Variants in SORBS2 observed in about 807,000 individuals in gnomAD.
SORBS2 encodes sorbin and SH3 domain-containing protein 2.
A neutral mutation model predicts 97.7 loss-of-function variants in SORBS2; 46 were observed. The ratio of observed to expected loss-of-function variants is 0.47; its 90% CI spans 0.37 to 0.60. The LOEUF is 0.60. Ranked by LOEUF, SORBS2 falls within the 20% of genes least tolerant of loss-of-function variation. The pLI, the probability that SORBS2 is intolerant of heterozygous loss-of-function variation, is 0.00. For synonymous variants in SORBS2, 476 were observed against 473.4 expected (o/e 1.01, Z -0.07); for missense variants, 1,316 against 1,282.3 (o/e 1.03, Z -0.40).
chr4:185,872,603 A>T (rs1171184972), intron 1 of SORBS2, among the ~76,000 whole-genome samples: 1 of 152,230 alleles, frequency 6.6e-6, no homozygotes, highest in East Asian at 1.9e-4. Context: ...CCATACCAAA[A>T]AAGGCCACAA....
intron 2 of SORBS2, among the ~76,000 whole-genome samples, chr4:185,703,588 T>C (rs1216041609): frequency 6.6e-6 from 1 of 152,182 alleles, no homozygotes; most frequent in Non-Finnish European, 1.5e-5. Flanking sequence ...TAAATGACAA[T>C]AGCATGGGAA....
At chr4:185,692,639 C>A (rs2098117200) in intron 2 of SORBS2, among the ~76,000 whole-genome samples, 2 of 151,942 alleles carry the variant, frequency 1.3e-5, no homozygotes, top group South Asian at 2.1e-4. Context: ...TGAATATTAG[C>A]TAAATATAAT....
chr4:185,947,679 T>C (rs967987820), intron 1 of SORBS2, among the ~76,000 whole-genome samples: 10 of 152,204 alleles, frequency 6.6e-5, no homozygotes, highest in African/African-American at 2.2e-4. Context: ...TGGTGTGGTC[T>C]AGCTTACTGC....
rs144017246 is a variant in SORBS2 at position 185,827,069 on chromosome 4, CCAT to C, written c.-337-51706_-337-51704del. ...ACCACCATCACCATCATCATCATCA[CCAT>C]CATCATCACCATCATCACCATCATC... On this transcript the variant is annotated intron_variant, in intron 1 of 20. Transcript: ENST00000284776. Among the ~76,000 whole-genome samples the C allele has an allele frequency of 1.6e-3, 226 of 141,894 alleles. 1 individual carries two copies. Among genetic ancestry groups the C allele is most frequent in the African/African-American group, 4.8e-3 (184 of 38,238 alleles). 93.1% of individuals were successfully genotyped at this position (141,894 alleles called of 152,430 possible).
At chr4:185,699,238 T>C (rs1232598005) in intron 2 of SORBS2, among the ~76,000 whole-genome samples, 1 of 151,866 alleles carries the variant, frequency 6.6e-6, no homozygotes, top group African/African-American at 2.4e-5. Flanking sequence ...AGTCTTAAAA[T>C]TTAAGTAATA....
At chr4:185,913,799 C>G (rs781129623) in intron 1 of SORBS2, among the ~76,000 whole-genome samples, 10 of 152,122 alleles carry the variant, frequency 6.6e-5, no homozygotes, top group African/African-American at 2.4e-4. Flanking sequence ...ATGGTTTAGT[C>G]TGAATGTAAT....
intron 13 of SORBS2, 52 bp downstream of exon 25, chr4:185,593,834 A>T (rs2096017720): frequency 8.2e-7 from 1 of 1,221,966 alleles, no homozygotes; most frequent in Non-Finnish European, 1.2e-6. Context: ...ACAGTTGTCC[A>T]TTTTGTGGGT....
At chr4:185,827,259 C>T (rs2099201047) in intron 1 of SORBS2, among the ~76,000 whole-genome samples, 1 of 127,678 alleles carries the variant, frequency 7.8e-6, no homozygotes, top group Admixed American at 7.8e-5. Context: ...TCATCATCAC[C>T]ATCATCACCA....
chr4:185,940,253 C>T (rs1236475539), intron 1 of SORBS2, among the ~76,000 whole-genome samples: 1 of 152,182 alleles, frequency 6.6e-6, no homozygotes, highest in Non-Finnish European at 1.5e-5. Context: ...ACTTGATCTC[C>T]AAACTAGTAT....
chr4:185,717,039 T>C (rs1174990372), intron 2 of SORBS2, among the ~76,000 whole-genome samples: 1 of 152,240 alleles, frequency 6.6e-6, no homozygotes, highest in Admixed American at 6.5e-5. Context: ...CATAAAACTG[T>C]CCGAGCTTAG....
intron 2 of SORBS2, among the ~76,000 whole-genome samples, chr4:185,732,473 T>C (rs2098648898): frequency 6.6e-6 from 1 of 152,212 alleles, no homozygotes; most frequent in African/African-American, 2.4e-5. Context: ...CCTATGTGAC[T>C]GTGAGGGGTT....
At chr4:185,631,793 A>G in intron 4 of SORBS2, among the ~76,000 whole-genome samples, 1 of 137,708 alleles carries the variant, frequency 7.3e-6, no homozygotes, top group South Asian at 2.1e-4. Context: ...CAACAAAAAA[A>G]CAAAACAAAA....
At chr4:185,727,188 C>T (rs574276935) in intron 2 of SORBS2, among the ~76,000 whole-genome samples, 42 of 152,312 alleles carry the variant, frequency 2.8e-4, no homozygotes, top group African/African-American at 9.6e-4. Context: ...CTTCAACCTA[C>T]ATTGATGTGA....
rs185553486 is a variant in SORBS2, at chr4:185,752,528, G to A, written c.-198+22699C>T. Among the ~76,000 whole-genome samples, 771 of 152,152 alleles carry A rather than the reference G, an allele frequency of 5.1e-3. 9 individuals carry two copies. Among genetic ancestry groups the A allele is most frequent in the African/African-American group, 0.017 (726 of 41,512 alleles). ...CCTGACCTTGTGATCTGCCCGCCTC[G>A]GCCTCCCAAAGTGCTGGGATTACAG... On this transcript the variant is annotated intron_variant, in intron 2 of 20. Transcript: ENST00000284776.
exon 5 of SORBS2, chr4:185,662,230 C>T: frequency 1.2e-6 from 2 of 1,609,156 alleles, no homozygotes; most frequent in East Asian, 4.5e-5. Context: ...TTTCCATTCA[C>T]TGTTATCTGG....
At chr4:185,850,356 C>T (rs2099217149) in intron 1 of SORBS2, among the ~76,000 whole-genome samples, 1 of 152,120 alleles carries the variant, frequency 6.6e-6, no homozygotes, top group South Asian at 2.1e-4. Flanking sequence ...GCTGACTTGT[C>T]CCATATGTCG....
At chr4:185,815,644 T>C (rs1239053562) in intron 1 of SORBS2, among the ~76,000 whole-genome samples, 1 of 152,072 alleles carries the variant, frequency 6.6e-6, no homozygotes, top group Non-Finnish European at 1.5e-5. Flanking sequence ...TCTAATAGTA[T>C]ACGCACACAC....
At chr4:185,824,949 CA>C (rs1292918639) in intron 1 of SORBS2, among the ~76,000 whole-genome samples, 5 of 152,172 alleles carry the variant, frequency 3.3e-5, no homozygotes, top group East Asian at 1.9e-4. Flanking sequence ...TGAGATTGAT[CA>C]GGGGGCTTCC....
intron 2 of SORBS2, 110 bp downstream of exon 10, chr4:185,652,552 C>T (rs955064424): frequency 1.3e-5 from 11 of 828,296 alleles, no homozygotes; most frequent in African/African-American, 8.4e-5. Context: ...AAAGGGGACA[C>T]GGAGTTTGCT....
Sources: gnomAD v4.1 joint callset for allele counts (sites outside exome capture counted in the v4.1 genomes callset) on GRCh38, gnomAD v4.1.1 for gene constraint, MANE v1.5 for transcripts, NCBI Gene and HGNC (gene_info 2026-07-23, HGNC 2026-07-21) for gene names.